The following ATP8A2 variants were observed in gnomAD, a reference collection of about 807,000 sequenced individuals.
ATP8A2 encodes the protein phospholipid-transporting ATPase IB.
A neutral mutation model predicts 165.6 loss-of-function variants in ATP8A2; 100 were observed. The ratio of observed to expected loss-of-function variants is 0.60; its 90% confidence interval spans 0.51 to 0.71. The LOEUF is 0.71. Among genes scored for constraint, ATP8A2 ranks in the 30% least tolerant of loss-of-function variants. The pLI is 0.00. For missense variants in ATP8A2, 1,227 were observed against 1,479.5 expected, an observed-to-expected ratio of 0.83 and a Z score of 2.80; for synonymous variants, 543 against 548.8, an observed-to-expected ratio of 0.99 and a Z score of 0.15.
intron 2 of ATP8A2, among the ~76,000 whole-genome samples, chr13:25,522,393 CTTTA>C (rs1445654809): frequency 6.6e-6 from 1 of 152,082 alleles, no homozygotes; most frequent in African/African-American, 2.4e-5. Context: ...TTCGGATGCC[CTTTA>C]TTTATTTCTC....
At chr13:25,814,471 A>C (rs1282992283) in intron 27 of ATP8A2, among the ~76,000 whole-genome samples, 1 of 152,104 alleles carries the variant, frequency 6.6e-6, no homozygotes, top group Non-Finnish European at 1.5e-5. Context: ...CTGATTTCAG[A>C]ACTTACTACA....
At chr13:25,714,928 T>C (rs1193877930) in intron 25 of ATP8A2, among the ~76,000 whole-genome samples, 1 of 152,192 alleles carries the variant, frequency 6.6e-6, no homozygotes, top group Non-Finnish European at 1.5e-5. Context: ...AGTTAGCATG[T>C]ACTGAGTGCA....
At chr13:25,408,235 T>C (rs1233027240) in intron 1 of ATP8A2, among the ~76,000 whole-genome samples, 2 of 152,010 alleles carry the variant, frequency 1.3e-5, no homozygotes, top group African/African-American at 4.8e-5. Context: ...TCTACTAAAA[T>C]ACAGAAAATT....
chr13:25,775,008 A>G (rs771912582), intron 27 of ATP8A2, 49 bp downstream of exon 27: 10 of 1,077,666 alleles, frequency 9.3e-6, no homozygotes, highest in Non-Finnish European at 1.4e-5. Flanking sequence ...TTTTAAGAGG[A>G]TATCTTGAGG....
chr13:25,435,685 A>G (rs1489406157), intron 1 of ATP8A2, among the ~76,000 whole-genome samples: 1 of 151,664 alleles, frequency 6.6e-6, no homozygotes, highest in Non-Finnish European at 1.5e-5. Context: ...TGCACAGTTA[A>G]TGGATCTTGT....
At chr13:25,794,860 C>T (rs1950466458) in intron 27 of ATP8A2, among the ~76,000 whole-genome samples, 2 of 148,552 alleles carry the variant, frequency 1.3e-5, no homozygotes, top group Non-Finnish European at 3.0e-5. Flanking sequence ...CACACACACA[C>T]CTTCTCTCTC....
chr13:25,452,404 G>A (rs964227024), intron 1 of ATP8A2, among the ~76,000 whole-genome samples: 3 of 152,198 alleles, frequency 2.0e-5, no homozygotes, highest in African/African-American at 7.2e-5. Flanking sequence ...TTTCTATTTA[G>A]ATGCTTTCCT....
chr13:25,606,007 T>C (rs2040507957), intron 24 of ATP8A2, among the ~76,000 whole-genome samples: 1 of 152,272 alleles, frequency 6.6e-6, no homozygotes, highest in East Asian at 1.9e-4. Flanking sequence ...ATTCTGCCAG[T>C]TTAATTGTAA....
chr13:25,689,961 A>G lies in ATP8A2; in HGVS notation c.2212-9212A>G, dbSNP rs903548626. ...AAGTAGTAAATGCTTCTTAAAACAT[A>G]TACATTATTTTTGAGAGATTTAACA... On this transcript the variant is annotated intron_variant, in intron 24 of 36. Coordinates refer to ENST00000381655, the MANE Select transcript of ATP8A2 (RefSeq NM_016529.6). Among the ~76,000 whole-genome samples the G allele has an allele frequency of 4.6e-5, 7 of 152,242 alleles. No individual in the cohort carries two copies. In the South Asian group the frequency reaches 1.4e-3, roughly 31 times the overall value.
chr13:25,679,183 A>G (rs1240201039), intron 24 of ATP8A2, among the ~76,000 whole-genome samples: 2 of 152,222 alleles, frequency 1.3e-5, no homozygotes, highest in Non-Finnish European at 2.9e-5. Context: ...TGGTGGCAAC[A>G]TTAACCTAGA....
At chr13:25,938,194 G>T (rs1371135484) in intron 33 of ATP8A2, among the ~76,000 whole-genome samples, 1 of 151,232 alleles carries the variant, frequency 6.6e-6, no homozygotes, top group Non-Finnish European at 1.5e-5. Context: ...AAAAGTTGAA[G>T]TACATTAATT....
chr13:25,502,455 G>A (rs1239870625), intron 2 of ATP8A2, among the ~76,000 whole-genome samples: 1 of 152,174 alleles, frequency 6.6e-6, no homozygotes, highest in Non-Finnish European at 1.5e-5. Context: ...TCTGTGGAGG[G>A]TGTCCCTTAT....
intron 1 of ATP8A2, among the ~76,000 whole-genome samples, chr13:25,385,587 AT>A (rs1360323745): frequency 6.6e-5 from 10 of 152,210 alleles, no homozygotes; most frequent in African/African-American, 2.2e-4. Context: ...AACCTCTTCC[AT>A]TTTATTTTGT....
chr13:25,426,385 G>C (rs2034449225), intron 1 of ATP8A2, among the ~76,000 whole-genome samples: 1 of 152,140 alleles, frequency 6.6e-6, no homozygotes, highest in African/African-American at 2.4e-5. Context: ...TCATTAGCAT[G>C]AGGGCAGCAC....
chr13:25,441,427 G>C (rs2034928488), intron 1 of ATP8A2, among the ~76,000 whole-genome samples: 1 of 152,166 alleles, frequency 6.6e-6, no homozygotes. Flanking sequence ...CAGAAGAACT[G>C]ACAGTGATTT....
intron 1 of ATP8A2, among the ~76,000 whole-genome samples, chr13:25,415,124 T>C (rs779642352): frequency 2.2e-4 from 33 of 152,246 alleles, no homozygotes; most frequent in Admixed American, 1.3e-3. Flanking sequence ...AATAACATTT[T>C]CACCACTACA....
intron 33 of ATP8A2, among the ~76,000 whole-genome samples, chr13:25,889,784 C>A (rs1206498870): frequency 1.3e-5 from 2 of 152,114 alleles, no homozygotes; most frequent in Admixed American, 6.6e-5. Flanking sequence ...CATTCTCCTC[C>A]ATGGCCCATT....
At chr13:25,775,972 CAT>C (rs1268368558) in intron 27 of ATP8A2, among the ~76,000 whole-genome samples, 1 of 152,214 alleles carries the variant, frequency 6.6e-6, no homozygotes, top group African/African-American at 2.4e-5. Context: ...TCAGGTCAAA[CAT>C]ATAAGTTCAT....
intron 33 of ATP8A2, among the ~76,000 whole-genome samples, chr13:25,926,235 C>T (rs1303681427): frequency 6.6e-6 from 1 of 152,156 alleles, no homozygotes; most frequent in African/African-American, 2.4e-5. Context: ...ATGGTAGCTC[C>T]TGGAATGTTC....
Sources: gnomAD v4.1 joint callset for allele counts (sites outside exome capture counted in the v4.1 genomes callset) on GRCh38, gnomAD v4.1.1 for gene constraint, MANE v1.5 for transcripts, NCBI Gene and HGNC (gene_info 2026-07-23, HGNC 2026-07-21) for gene names.